KRT13: variants seen among roughly 807,000 people sequenced by gnomAD.
KRT13 encodes keratin, type I cytoskeletal 13.
KRT13 carries 27 observed loss-of-function variants against 40.6 expected under a neutral mutation model. The observed-to-expected ratio is 0.67, with a 90% CI of 0.49 to 0.92. KRT13 has a LOEUF of 0.92. KRT13 is among the 40% of genes least tolerant of loss of function. The probability of loss-of-function intolerance (pLI) is 0.00; values close to 1 mark genes in which losing one functional copy is unlikely to be tolerated. For synonymous variants in KRT13, 266 were observed against 240.3 expected (o/e 1.11, Z -0.99); for missense variants, 605 against 611.5 (o/e 0.99, Z 0.11).
Position 41,503,635 on chromosome 17 carries a change from A to G in KRT13, c.578+8T>C. On this transcript the variant is annotated splice_region_variant and intron_variant, in intron 2 of 7. Coordinates refer to ENST00000246635, the MANE Select transcript of KRT13 (RefSeq NM_153490.3). ...GAAAGGAGAGGGAGGGGGAAAAAAA[A>G]AACTCACTTGAGCCTGAAGTCGTCC... The G allele has an allele frequency of 6.2e-7, 1 of 1,613,282 alleles. No individual in the cohort carries two copies.
At chr17:41,503,229 G>A (rs1412884655) in intron 3 of KRT13, 58 bp downstream of exon 3, 1 of 1,606,204 alleles carries the variant, frequency 6.2e-7, no homozygotes, top group Non-Finnish European at 8.5e-7. Flanking sequence ...TGCAGGGGAG[G>A]GCTCCTCCTT....
At chr17:41,502,882 G>A (rs536709984) in intron 4 of KRT13, 55 bp downstream of exon 4, 19 of 1,614,080 alleles carry the variant, frequency 1.2e-5, no homozygotes, top group Admixed American at 3.3e-5. Flanking sequence ...GGCTGTGTCC[G>A]CCCGGCCCCC....
chr17:41,503,622 AG>A lies in KRT13; in HGVS notation c.578+20del. 15 of 1,602,406 alleles carry A rather than the reference AG, an allele frequency of 9.4e-6. No individual in the cohort carries two copies. Among genetic ancestry groups the A allele is most frequent in the Non-Finnish European group, 1.3e-5 (15 of 1,169,586 alleles). ...AAGAGACTCCTGGGAAAGGAGAGGG[AG>A]GGGGAAAAAAAAAACTCACTTGAGC... On this transcript the variant is annotated intron_variant, in intron 2 of 7. Transcript: ENST00000246635.
At chr17:41,503,536 TC>T in intron 2 of KRT13, 93 bp from the exon 3 acceptor site, 1 of 1,536,052 alleles carries the variant, frequency 6.5e-7, no homozygotes, top group Non-Finnish European at 9.0e-7. Flanking sequence ...CTCCAGTACT[TC>T]CAGACCTTCA....
rs771074447 is a variant in KRT13, at chr17:41,502,390, C to T, written c.1228G>A (p.Glu410Lys). 1.5e-5 allele frequency: 24 copies of T among 1,614,098 alleles called. No individual in the cohort carries two copies. The highest frequency in any genetic ancestry group is 4.4e-5 in the South Asian group (4 of 91,088). The change falls in exon 6 of 8, where the codon GAG becomes AAG. Residue 410 changes from glutamate to lysine, a missense_variant. Physicochemically the swap from Glu to Lys is moderately conservative, Grantham distance 56. Transcript: ENST00000246635. ...AGGACCTACTTGGCGTCCTGGCCCT[C>T]GAGCAGGCTGCGGTAGGTGGCGATC... is the stretch of plus-strand genomic sequence containing the variant. ...QEIATYRSLL[E>K]GQDAKMIGFP...
chr17:41,505,488 G>A lies in KRT13; in HGVS notation c.63C>T (p.Cys21=). ...AGACACCACGGCCTCCTCCCAGCTG[G>A]CAAGAGCCACCCCCGAAACCACCTC... ...SYGGGFGGGS[C]QLGGGRGVST... The change falls in exon 1 of 8, where the codon TGC becomes TGT. Residue 21 remains cysteine, a synonymous_variant. Transcript: ENST00000246635. 1 of 1,614,250 alleles carries A rather than the reference G, an allele frequency of 6.2e-7. No individual in the cohort carries two copies. The highest frequency in any genetic ancestry group is 8.5e-7 in the Non-Finnish European group (1 of 1,180,040).
At position 41,505,166 on chromosome 17, in the gene KRT13, T is replaced by C. The variant is rs1457115259; in HGVS notation, c.385A>G (p.Asn129Asp). Reference protein sequence around the residue: ...LEKVRALEEANADLEVKIRDW... With the variant: ...LEKVRALEEADADLEVKIRDW... ...CGGATCTTCACCTCCAGGTCAGCGT[T>C]GGCCTCCTCCAGGGCGCGCACCTTC... Residue 129 changes from asparagine (N) to aspartate (D), a missense_variant, in exon 1 of 8, where the codon AAC (asparagine) becomes GAC (aspartate). By Grantham distance (23) the Asn-to-Asp change is conservative. Transcript: ENST00000246635. 1 of 1,614,200 alleles carries C rather than the reference T, an allele frequency of 6.2e-7. No individual in the cohort carries two copies. Among genetic ancestry groups the C allele is most frequent in the South Asian group, 1.1e-5 (1 of 91,080 alleles).
In KRT13 at chr17:41,503,272, G is replaced by T. The variant is rs376949316; in HGVS notation, c.735+15C>A. 5 of 1,613,882 alleles carry T rather than the reference G, an allele frequency of 3.1e-6. No homozygotes were observed. In the Admixed American group the frequency reaches 5.0e-5, roughly 16 times the overall value. On this transcript the variant is annotated intron_variant, in intron 3 of 7. Transcript: ENST00000246635. ...GAGGTTGTTGAGCCCAGGGCAGCCT[G>T]CAATTCCCGCTCACCTCTTCATGGT... is the stretch of plus-strand genomic sequence containing the variant.
chr17:41,501,574 G>T, intron 7 of KRT13, 145 bp downstream of exon 7: 1 of 1,396,498 alleles, frequency 7.2e-7, no homozygotes, highest in South Asian at 1.3e-5. Context: ...GTGAGCGAAT[G>T]ACCACTTCCA....
intron 6 of KRT13, 143 bp downstream of exon 6, chr17:41,502,231 C>T: frequency 1.3e-6 from 2 of 1,584,090 alleles, no homozygotes. Context: ...ACCCTGCAGC[C>T]TACCAAGGAA....
Position 41,503,698 on chromosome 17 carries a change from G to A in KRT13, c.523C>T (p.Arg175Trp), listed in dbSNP as rs764088068. The change falls in exon 2 of 8, where the codon CGG becomes TGG. Residue 175 changes from arginine (R) to tryptophan (W), a missense_variant. Physicochemically the swap from Arg to Trp is moderately radical, Grantham distance 101 (BLOSUM62 -3). Transcript: ENST00000246635. ...KILTATIENN[R>W]VILEIDNARL... is the part of the protein sequence containing the mutation. ...GCATTGTCAATCTCCAGGATGACCC[G>A]GTTGTTTTCAATGGTGGCGGTCAGG... 1.5e-5 allele frequency: 25 copies of A among 1,613,952 alleles called. No individual in the cohort carries two copies. Among genetic ancestry groups the A allele is most frequent in the East Asian group, 1.3e-4 (6 of 44,886 alleles).
chr17:41,504,492 C>G (rs922900498), intron 1 of KRT13: 2 of 159,008 alleles, frequency 1.3e-5, no homozygotes, highest in African/African-American at 4.8e-5. Flanking sequence ...TGAGACTCAG[C>G]CCAGGCTGGT....
chr17:41,503,244 C>G, intron 3 of KRT13, 43 bp downstream of exon 3: 1 of 1,611,882 alleles, frequency 6.2e-7, no homozygotes, highest in Non-Finnish European at 8.5e-7. Flanking sequence ...CTCCTTCTCA[C>G]TGGAGGTTGT....
chr17:41,501,748 G>C lies in KRT13; in HGVS notation c.1245-4C>G. 1.3e-6 allele frequency: 2 copies of C among 1,595,244 alleles called. No homozygotes were observed. Among genetic ancestry groups the C allele is most frequent in the Non-Finnish European group, 1.7e-6 (2 of 1,170,380 alleles). ...TGAGGAAGGGAAACCAATCATCCTG[G>C]GAGAGAGGACAGAGGTGGCCATGAG... On this transcript the variant is annotated splice_region_variant and splice_polypyrimidine_tract_variant and intron_variant, in intron 6 of 7. Coordinates refer to ENST00000246635, the MANE Select transcript of KRT13 (RefSeq NM_153490.3).
chr17:41,505,083 G>T lies in KRT13; in HGVS notation c.468C>A (p.Tyr156Ter). The stretch of plus-strand genomic sequence containing the variant: ...TGTCCCGGAGCTCTTCAATGGTCTT[G>T]TAGTAGGGGCTGTAGTCCCGCTCAG... Reference protein sequence around the residue: ...ASPERDYSPYYKTIEELRDKI... With the variant: ...ASPERDYSPY The change falls in exon 1 of 8, where the codon TAC becomes TAA. Residue 156 changes from tyrosine (Y) to a stop codon, truncating the protein, a stop_gained. Transcript: ENST00000246635. LOFTEE classifies it high-confidence loss of function. 1 of 1,614,224 alleles carries T rather than the reference G, an allele frequency of 6.2e-7. No individual in the cohort carries two copies. Among genetic ancestry groups the T allele is most frequent in the Non-Finnish European group, 8.5e-7 (1 of 1,180,032 alleles).
At chr17:41,503,842 C>T (rs1904964491) in intron 1 of KRT13, 117 bp from the exon 2 acceptor site, 9 of 776,948 alleles carry the variant, frequency 1.2e-5, no homozygotes, top group Admixed American at 1.9e-5. Context: ...CTAACACTAA[C>T]GATAGCTGAT....
chr17:41,501,626 GCTCC>G, intron 7 of KRT13, 89 bp downstream of exon 7: 1 of 1,544,210 alleles, frequency 6.5e-7, no homozygotes. Flanking sequence ...CCCAGCACTG[GCTCC>G]CTCCCTCCCC....
chr17:41,503,543 C>T, intron 2 of KRT13, 100 bp from the exon 3 acceptor site: 1 of 1,529,800 alleles, frequency 6.5e-7, no homozygotes, highest in Non-Finnish European at 9.1e-7. Flanking sequence ...ACTTCCAGAC[C>T]TTCACTCCTG....
At chr17:41,501,831 T>A in intron 6 of KRT13, 87 bp from the exon 7 acceptor site, 1 of 1,552,898 alleles carries the variant, frequency 6.4e-7, no homozygotes, top group Non-Finnish European at 8.7e-7. Flanking sequence ...CCTCGGCTTA[T>A]CATTTCAAGC....
Sources: allele counts gnomAD v4.1 joint callset, GRCh38; gene constraint gnomAD v4.1.1; transcripts MANE v1.5; gene names NCBI Gene and HGNC (gene_info 2026-07-23, HGNC 2026-07-21).